CDIN1: variants seen among roughly 807,000 people sequenced by gnomAD.
CDIN1 encodes the protein CDAN1-interacting nuclease 1.
A neutral mutation model predicts 45.3 loss-of-function variants in CDIN1; 33 were observed. The ratio of observed to expected loss-of-function variants is 0.73; its 90% CI spans 0.55 to 0.97. CDIN1 has a LOEUF of 0.97. CDIN1 is among the 50% of genes least tolerant of loss of function. The probability of loss-of-function intolerance (pLI) is 0.00; values close to 1 mark genes in which losing one functional copy is unlikely to be tolerated. For synonymous variants in CDIN1, 118 were observed against 124.4 expected (o/e 0.95, Z 0.34); for missense variants, 303 against 339.4 (o/e 0.89, Z 0.84).
intron 5 of CDIN1, among the ~76,000 whole-genome samples, chr15:36,686,298 A>T (rs903046602): frequency 6.0e-5 from 9 of 150,316 alleles, no homozygotes; most frequent in Admixed American, 4.0e-4. Flanking sequence ...TTCTCAGTAA[A>T]CTATCGCAAG....
chr15:36,762,194 T>G (rs571444379), intron 10 of CDIN1, among the ~76,000 whole-genome samples: 11 of 152,334 alleles, frequency 7.2e-5, no homozygotes, highest in African/African-American at 2.6e-4. Context: ...CTAGACTTCA[T>G]GCCTTTCACT....
chr15:36,706,990 G>C (rs2042890235), intron 8 of CDIN1: 1 of 152,000 alleles, frequency 6.6e-6, no homozygotes, highest in Non-Finnish European at 1.5e-5. Context: ...TCGAAATGCT[G>C]CTTCCTACCC....
At chr15:36,707,451 T>C (rs1346519074) in intron 8 of CDIN1, 3 of 152,166 alleles carry the variant, frequency 2.0e-5, no homozygotes, top group Non-Finnish European at 4.4e-5. Context: ...GGATTGTTAA[T>C]TCTCATATTA....
intron 8 of CDIN1, chr15:36,706,111 A>G (rs1048667069): frequency 1.6e-4 from 24 of 152,308 alleles, no homozygotes; most frequent in Middle Eastern, 3.4e-3. Flanking sequence ...TGGCTCAAAC[A>G]TATGCAGTTT....
chr15:36,764,220 T>TG (rs1491058091), intron 10 of CDIN1, among the ~76,000 whole-genome samples: 15 of 119,792 alleles, frequency 1.3e-4, no homozygotes, highest in African/African-American at 4.1e-4. Flanking sequence ...TTTGGTTTTT[T>TG]TTTTTTTTTT....
chr15:36,633,730 A>G (rs2039777524), intron 1 of CDIN1, among the ~76,000 whole-genome samples: 1 of 151,108 alleles, frequency 6.6e-6, no homozygotes, highest in South Asian at 2.1e-4. Context: ...AATTTTATTT[A>G]CACTATCATT....
At chr15:36,792,536 C>T (rs2054670806) in intron 10 of CDIN1, among the ~76,000 whole-genome samples, 1 of 151,522 alleles carries the variant, frequency 6.6e-6, no homozygotes, top group Non-Finnish European at 1.5e-5. Context: ...GAAAGTTGAG[C>T]CCTCAGTATA....
chr15:36,657,544 A>G (rs2040827490), intron 4 of CDIN1, among the ~76,000 whole-genome samples: 1 of 152,160 alleles, frequency 6.6e-6, no homozygotes, highest in Non-Finnish European at 1.5e-5. Context: ...GGAGAGATGA[A>G]AAAAGCCTAT....
At chr15:36,683,178 C>A (rs2041916688) in intron 5 of CDIN1, among the ~76,000 whole-genome samples, 1 of 152,022 alleles carries the variant, frequency 6.6e-6, no homozygotes, top group Non-Finnish European at 1.5e-5. Flanking sequence ...ATGGTATTGC[C>A]TAGGTTTTCT....
chr15:36,633,526 T>A (rs1305050607), intron 1 of CDIN1, among the ~76,000 whole-genome samples: 1 of 152,176 alleles, frequency 6.6e-6, no homozygotes, highest in Admixed American at 6.5e-5. Context: ...AACACTACAT[T>A]TTTTGACATT....
chr15:36,790,070 A>T (rs2054606231), intron 10 of CDIN1: 1 of 152,234 alleles, frequency 6.6e-6, no homozygotes, highest in African/African-American at 2.4e-5. Context: ...CCCTGTGGAA[A>T]TCGTGGTGGT....
chr15:36,607,667 G>A (rs903424277), intron 1 of CDIN1, among the ~76,000 whole-genome samples: 20 of 151,604 alleles, frequency 1.3e-4, no homozygotes, highest in African/African-American at 3.9e-4. Flanking sequence ...TGTATTGTAC[G>A]TTATATAAGT....
chr15:36,710,845 C>A (rs1485393007), intron 10 of CDIN1, among the ~76,000 whole-genome samples: 1 of 152,152 alleles, frequency 6.6e-6, no homozygotes, highest in African/African-American at 2.4e-5. Flanking sequence ...CAGTGACCAG[C>A]TACAGAATTT....
chr15:36,684,708 C>T (rs1286480841), intron 5 of CDIN1, among the ~76,000 whole-genome samples: 1 of 152,218 alleles, frequency 6.6e-6, no homozygotes, highest in East Asian at 1.9e-4. Context: ...CCATCTGGTC[C>T]TGGACTGTTT....
chr15:36,666,812 A>G (rs1322363756), intron 5 of CDIN1, among the ~76,000 whole-genome samples: 1 of 152,210 alleles, frequency 6.6e-6, no homozygotes, highest in African/African-American at 2.4e-5. Context: ...TTTGGTTATT[A>G]GCTGCTTAAG....
At chr15:36,756,052 T>C in intron 10 of CDIN1, 1 of 455,992 alleles carries the variant, frequency 2.2e-6, no homozygotes, top group South Asian at 1.5e-5. Flanking sequence ...GATGCCTTTA[T>C]TCAACAAATT....
chr15:36,718,626 A>G (rs1336306273), intron 10 of CDIN1, among the ~76,000 whole-genome samples: 4 of 151,980 alleles, frequency 2.6e-5, no homozygotes, highest in Non-Finnish European at 5.9e-5. Context: ...ATTAGTAATG[A>G]TAGTTTTGTT....
At chr15:36,586,825 T>G (rs2140168931) in intron 1 of CDIN1, among the ~76,000 whole-genome samples, 1 of 152,340 alleles carries the variant, frequency 6.6e-6, no homozygotes, top group East Asian at 1.9e-4. Flanking sequence ...TTTGGATAGC[T>G]TGTAGTCTGA....
intron 5 of CDIN1, among the ~76,000 whole-genome samples, chr15:36,669,982 A>C (rs1284337708): frequency 1.3e-5 from 2 of 152,014 alleles, no homozygotes; most frequent in African/African-American, 4.8e-5. Context: ...CAAGTCACTA[A>C]ATTTAGTACA....
Sources: allele counts gnomAD v4.1 joint callset (sites outside exome capture counted in the v4.1 genomes callset), GRCh38; gene constraint gnomAD v4.1.1; transcripts MANE v1.5; gene names NCBI Gene and HGNC (gene_info 2026-07-23, HGNC 2026-07-21).